The following PON1 variants were observed in gnomAD, a reference collection of about 807,000 sequenced individuals.
PON1 encodes serum paraoxonase/arylesterase 1.
PON1 carries 37 observed loss-of-function variants against 39.2 expected under a neutral mutation model. The observed-to-expected ratio is 0.94, with a 90% CI of 0.73 to 1.24. PON1 has a LOEUF of 1.24. Ranked by LOEUF, PON1 falls within the 50% of genes most tolerant of loss-of-function variation. The probability of loss-of-function intolerance (pLI) is 0.00; values close to 1 mark genes in which losing one functional copy is unlikely to be tolerated. For missense variants in PON1, 397 were observed against 413.5 expected (o/e 0.96, Z 0.35); for synonymous variants, 148 against 152.2 (o/e 0.97, Z 0.21).
At chr7:95,309,507 T>C (rs918758509) in intron 5 of PON1, among the ~76,000 whole-genome samples, 1 of 152,082 alleles carries the variant, frequency 6.6e-6, no homozygotes, top group Non-Finnish European at 1.5e-5. Flanking sequence ...TTGCTGAAAA[T>C]TTACTACCCC....
At chr7:95,309,956 A>G (rs549142804) in intron 5 of PON1, among the ~76,000 whole-genome samples, 76 of 152,320 alleles carry the variant, frequency 5.0e-4, no homozygotes, top group African/African-American at 1.7e-3. Context: ...TTCAGTCTCC[A>G]ATGCTGCCTA....
chr7:95,303,024 C>T (rs1807467472), intron 7 of PON1, among the ~76,000 whole-genome samples: 1 of 152,152 alleles, frequency 6.6e-6, no homozygotes. Flanking sequence ...TCTTGGCTGC[C>T]TTCTACTGGG....
At chr7:95,307,059 CT>C (rs546150639) in intron 6 of PON1, among the ~76,000 whole-genome samples, 1,361 of 125,038 alleles carry the variant, frequency 0.011, 20 homozygotes, top group African/African-American at 0.039. Flanking sequence ...TTCTTTCTTT[CT>C]TTTTTTTTTT....
At chr7:95,299,586 G>C (rs1807370945) in intron 8 of PON1, among the ~76,000 whole-genome samples, 1 of 152,072 alleles carries the variant, frequency 6.6e-6, no homozygotes, top group African/African-American at 2.4e-5. Context: ...AATCTAATCA[G>C]CTGCCAGCGA....
intron 8 of PON1, among the ~76,000 whole-genome samples, 156 bp from the exon 9 acceptor site, chr7:95,299,258 C>T (rs569578212): frequency 2.7e-4 from 41 of 152,224 alleles, no homozygotes; most frequent in African/African-American, 9.4e-4. Flanking sequence ...CCTGTTTCTT[C>T]ATTTGGGAAC....
chr7:95,298,719 T>C lies in PON1; in HGVS notation c.*225A>G, dbSNP rs553838270. The C allele has an allele frequency of 8.4e-6, 5 of 595,506 alleles. No homozygotes were observed. Among genetic ancestry groups the C allele is most frequent in the South Asian group, 6.0e-5 (3 of 50,420 alleles). The allele number at this position is 595,506 out of a possible 1,614,324, so 36.9% of individuals were successfully genotyped here. A position where few individuals can be genotyped will look rare whatever the true frequency, so the allele number is the denominator to read the frequency against. ...TCCATTTTAGTGAGAAGGATTTTTA[T>C]GGTAAATGAGGTTTTCAAGTATTCC... is the stretch of plus-strand genomic sequence containing the variant. On this transcript the variant is annotated 3_prime_UTR_variant, in exon 9 of 9. Transcript: ENST00000222381.
At position 95,299,002 on chromosome 7, in the gene PON1, T is replaced by A; in HGVS notation, c.1010A>T (p.Tyr337Phe). ...VLQGSTVASV[Y>F]KGKLLIGTVF... is the part of the protein sequence containing the mutation. Reference sequence around the variant, plus strand: ...TGTGCCAATCAGCAGTTTCCCTTTGTACACAGAGGCAACTGTACTGCCTTG... The same window carrying A: ...TGTGCCAATCAGCAGTTTCCCTTTGAACACAGAGGCAACTGTACTGCCTTG... Residue 337 changes from tyrosine (Y) to phenylalanine (F), a missense_variant, in exon 9 of 9, where the codon TAC (tyrosine) becomes TTC (phenylalanine). Transcript: ENST00000222381. The A allele has an allele frequency of 6.2e-7, 1 of 1,614,208 alleles. No individual in the cohort carries two copies. The highest frequency in any genetic ancestry group is 8.5e-7 in the Non-Finnish European group (1 of 1,180,020).
At position 95,311,776 on chromosome 7, in the gene PON1, A is replaced by G. The variant is rs540449070; in HGVS notation, c.371-199T>C. Among the ~76,000 whole-genome samples, 10 of 152,344 alleles carry G rather than the reference A, an allele frequency of 6.6e-5. No individual in the cohort carries two copies. The South Asian group carries it at 2.1e-3, about 32-fold the overall frequency. ...AGTGGCTCAAGGAAGAACCAGTGAC[A>G]GTCTCTGAAAACTCAAAACTCCACA... On this transcript the variant is annotated intron_variant, in intron 4 of 8. Coordinates refer to ENST00000222381, the MANE Select transcript of PON1 (RefSeq NM_000446.7).
Position 95,315,353 on chromosome 7 carries a change from G to T in PON1, c.339C>A (p.Asn113Lys), listed in dbSNP as rs748498563. Residue 113 changes from asparagine to lysine, a missense_variant, in exon 4 of 9, where the codon AAC (asparagine) becomes AAA (lysine). Physicochemically the swap from Asn to Lys is moderately conservative, Grantham distance 94. Transcript: ENST00000222381. ...TGSKFDVSSF[N>K]PHGISTFTDE... ...CTGTGAATGTGCTAATCCCATGAGG[G>T]TTAAATGAAGATACATCAAATTTAC... 4 of 1,613,406 alleles carry T rather than the reference G, an allele frequency of 2.5e-6. No homozygotes were observed. Among genetic ancestry groups the T allele is most frequent in the Non-Finnish European group, 3.4e-6 (4 of 1,179,578 alleles).
At chr7:95,308,758 G>T (rs559435761) in intron 5 of PON1, among the ~76,000 whole-genome samples, 1 of 152,198 alleles carries the variant, frequency 6.6e-6, no homozygotes, top group Non-Finnish European at 1.5e-5. Flanking sequence ...TTTCTTATCT[G>T]TGAAAGCAGG....
At chr7:95,304,884 T>A (rs1398818486) in intron 7 of PON1, among the ~76,000 whole-genome samples, 1 of 152,214 alleles carries the variant, frequency 6.6e-6, no homozygotes, top group African/African-American at 2.4e-5. Flanking sequence ...TTGCCCTCAG[T>A]CTCACCCTGG....
intron 5 of PON1, among the ~76,000 whole-genome samples, chr7:95,310,520 G>A (rs1807630214): frequency 2.0e-5 from 3 of 152,078 alleles, no homozygotes; most frequent in Non-Finnish European, 4.4e-5. Context: ...CCTGAGCTGG[G>A]GTTCCTACTT....
chr7:95,316,606 C>T (rs1299536290), intron 3 of PON1, 128 bp downstream of exon 3: 1 of 837,232 alleles, frequency 1.2e-6, no homozygotes. Context: ...CACAATTTGT[C>T]TTTTAAACCA....
chr7:95,300,585 G>T (rs1807398822), intron 8 of PON1, among the ~76,000 whole-genome samples: 1 of 152,188 alleles, frequency 6.6e-6, no homozygotes, highest in Admixed American at 6.5e-5. Flanking sequence ...GCTTAGCTAA[G>T]CTTCTTGTTA....
rs978619988 is a variant in PON1, at chr7:95,322,267, A to ATT, written c.74+2133_74+2134dup. 3.1e-3 allele frequency among the ~76,000 whole-genome samples: 276 copies of ATT among 88,380 alleles called. 1 individual carries two copies. Among genetic ancestry groups the ATT allele is most frequent in the Admixed American group, 0.012 (81 of 6,696 alleles). The allele number at this position is 88,380 out of a possible 152,430, so 58.0% of individuals were successfully genotyped here. A position where few individuals can be genotyped will look rare whatever the true frequency, so the allele number is the denominator to read the frequency against. ...TTACAGGACATCTGCTATATGCCTG[A>ATT]TTTTTATATATATATATATACTTAG... On this transcript the variant is annotated intron_variant, in intron 1 of 8. Transcript: ENST00000222381.
intron 1 of PON1, among the ~76,000 whole-genome samples, chr7:95,323,233 T>A (rs1387701417): frequency 6.6e-6 from 1 of 152,184 alleles, no homozygotes; most frequent in Non-Finnish European, 1.5e-5. Flanking sequence ...TTCCTTCCTC[T>A]GTCTGGGTCA....
At chr7:95,312,508 C>T (rs3917517) in intron 4 of PON1, among the ~76,000 whole-genome samples, 6,270 of 152,190 alleles carry the variant, frequency 0.041, 339 homozygotes, top group African/African-American at 0.13. Context: ...TTTTAGTTGG[C>T]GTTAAATGCT....
At chr7:95,299,211 A>G in intron 8 of PON1, 109 bp from the exon 9 acceptor site, 2 of 1,201,092 alleles carry the variant, frequency 1.7e-6, no homozygotes, top group Admixed American at 3.4e-5. Context: ...ATACAATGAG[A>G]TAAATCCTAT....
rs1180975856 is a variant in PON1 at position 95,323,920 on chromosome 7, C to T, written c.74+482G>A. Among the ~76,000 whole-genome samples, 12 of 152,140 alleles carry T rather than the reference C, an allele frequency of 7.9e-5. 1 individual carries two copies. Among genetic ancestry groups the T allele is most frequent in the Non-Finnish European group, 1.5e-5 (1 of 68,026 alleles). ...ACAGCACACGTTAGCTCCACCTGCT[C>T]GGGTCCACACGCAGTTTTGCTGTGG... On this transcript the variant is annotated intron_variant, in intron 1 of 8. Transcript: ENST00000222381.
Sources: gnomAD v4.1 joint callset for allele counts (sites outside exome capture counted in the v4.1 genomes callset) on GRCh38, gnomAD v4.1.1 for gene constraint, MANE v1.5 for transcripts, NCBI Gene and HGNC (gene_info 2026-07-23, HGNC 2026-07-21) for gene names.